The following ABCC9 variants were observed in gnomAD, a reference collection of about 807,000 sequenced individuals.
ABCC9 encodes ATP binding cassette subfamily C member 9.
A neutral mutation model predicts 188.3 loss-of-function variants in ABCC9; 95 were observed. That is an observed-to-expected ratio of 0.50 (90% CI 0.43 to 0.60). The LOEUF (loss-of-function observed/expected upper bound fraction) is 0.60. ABCC9 is among the 20% of genes least tolerant of loss of function. The pLI, the probability that ABCC9 is intolerant of heterozygous loss-of-function variation, is 0.00. For missense variants in ABCC9, 1,102 were observed against 1,876.3 expected (o/e 0.59, Z 7.62); for synonymous variants, 659 against 652.7 (o/e 1.01, Z -0.15).
At chr12:21,825,413 A>T (rs531945081) in intron 31 of ABCC9, among the ~76,000 whole-genome samples, 1 of 152,338 alleles carries the variant, frequency 6.6e-6, no homozygotes, top group African/African-American at 2.4e-5. Flanking sequence ...TCAATGATAG[A>T]CTGGATAAAG....
intron 20 of ABCC9, among the ~76,000 whole-genome samples, chr12:21,862,558 C>A (rs1297351787): frequency 6.7e-6 from 1 of 149,110 alleles, no homozygotes; most frequent in Non-Finnish European, 1.5e-5. Context: ...TGTTCCCAGT[C>A]ACCAGACCCC....
intron 11 of ABCC9, 105 bp from the exon 12 acceptor site, chr12:21,906,393 C>A: frequency 8.6e-7 from 1 of 1,168,762 alleles, no homozygotes; most frequent in Admixed American, 2.2e-5. Flanking sequence ...TTCAGACTGG[C>A]CCTGCCACTC....
At chr12:21,872,448 T>A (rs1424872372) in intron 18 of ABCC9, among the ~76,000 whole-genome samples, 177 bp downstream of exon 18, 1 of 152,206 alleles carries the variant, frequency 6.6e-6, no homozygotes, top group Non-Finnish European at 1.5e-5. Flanking sequence ...TAATAAATTG[T>A]TTTGTAACTT....
intron 24 of ABCC9, among the ~76,000 whole-genome samples, chr12:21,851,058 T>C (rs1944939178): frequency 6.6e-6 from 1 of 152,116 alleles, no homozygotes; most frequent in Non-Finnish European, 1.5e-5. Flanking sequence ...CCTCTCTCTA[T>C]GGAGACAGAT....
chr12:21,863,099 G>A (rs1468224650), intron 19 of ABCC9, 45 bp from the exon 20 acceptor site: 1 of 1,251,426 alleles, frequency 8.0e-7, no homozygotes, highest in East Asian at 2.3e-5. Context: ...ATTATGCAAA[G>A]GTACTGTGCG....
intron 20 of ABCC9, among the ~76,000 whole-genome samples, chr12:21,861,270 A>G (rs1163539382): frequency 6.9e-6 from 1 of 145,850 alleles, no homozygotes; most frequent in Non-Finnish European, 1.5e-5. Context: ...TTACTCTGTC[A>G]CCCAAGCTGG....
In ABCC9 at chr12:21,859,729, T is replaced by C. The variant is rs528827535; in HGVS notation, c.2425-63A>G. On this transcript the variant is annotated intron_variant, in intron 21 of 39. Coordinates refer to ENST00000261200, the MANE Select transcript of ABCC9 (RefSeq NM_020297.4). ...ATTAGTAAATGATCTTTTGGTAATA[T>C]GACCTTAAATTACAAACGTCTTTTT... 5 of 1,357,278 alleles carry C rather than the reference T, an allele frequency of 3.7e-6. No individual in the cohort carries two copies. In the East Asian group the frequency reaches 6.9e-5, roughly 19 times the overall value. 84.1% of individuals were successfully genotyped at this position (1,357,278 alleles called of 1,614,324 possible).
chr12:21,868,361 C>T (rs544733516), intron 18 of ABCC9, among the ~76,000 whole-genome samples: 28 of 152,236 alleles, frequency 1.8e-4, no homozygotes, highest in African/African-American at 5.8e-4. Context: ...AATTTATGGC[C>T]GGGCACGGTG....
At position 21,872,661 on chromosome 12, in the gene ABCC9, T is replaced by G; in HGVS notation, c.2162A>C (p.Glu721Ala). 1 of 1,613,880 alleles carries G rather than the reference T, an allele frequency of 6.2e-7. No homozygotes were observed. Among genetic ancestry groups the G allele is most frequent in the South Asian group, 1.1e-5 (1 of 91,086 alleles). The change falls in exon 18 of 40, where the codon GAG becomes GCG. Residue 721 changes from glutamate (E) to alanine (A), a missense_variant. Glu to Ala is a moderately radical substitution (Grantham distance 107, BLOSUM62 -1). This residue lies in a region of ABCC9 where 258 missense variants were observed against 325.6 expected (regional missense o/e 0.79). Transcript: ENST00000261200. ...KSSLLLAILG[E>A]MQTLEGKVHW... The stretch of plus-strand genomic sequence containing the variant: ...AACTTTTCCTTCCAATGTCTGCATC[T>G]CACCGAGGATGGCAAGGAGAAGAGA...
intron 18 of ABCC9, among the ~76,000 whole-genome samples, chr12:21,869,175 T>G (rs996636094): frequency 2.6e-5 from 4 of 152,220 alleles, no homozygotes; most frequent in Non-Finnish European, 5.9e-5. Context: ...TGTTGTCTAG[T>G]AAGGCAAATG....
intron 3 of ABCC9, 55 bp downstream of exon 3, chr12:21,936,478 A>AT: frequency 1.4e-6 from 2 of 1,481,048 alleles, no homozygotes; most frequent in Non-Finnish European, 1.9e-6. Context: ...AATCTCAGCC[A>AT]TTAGCGAGAT....
intron 24 of ABCC9, among the ~76,000 whole-genome samples, chr12:21,849,604 C>A (rs1032508412): frequency 2.6e-5 from 4 of 151,946 alleles, no homozygotes; most frequent in Non-Finnish European, 5.9e-5. Context: ...CTTAAAAAAA[C>A]AAATAAACAA....
intron 30 of ABCC9, among the ~76,000 whole-genome samples, chr12:21,831,741 G>A (rs1356476775): frequency 6.6e-6 from 1 of 152,184 alleles, no homozygotes; most frequent in African/African-American, 2.4e-5. Flanking sequence ...GGAACAATAT[G>A]AGAAAAGGCA....
Position 21,799,685 on chromosome 12 carries a change from A to G in ABCC9, c.*1359T>C, listed in dbSNP as rs1469438155. ...ATACAATAAACAGAACACAGAAACT[A>G]TAGGAAAGTGGCATAATTTCTCTTA... is the stretch of plus-strand genomic sequence containing the variant. On this transcript the variant is annotated 3_prime_UTR_variant, in exon 40 of 40. Transcript: ENST00000261200. The G allele has an allele frequency of 6.6e-6, 1 of 152,200 alleles. No individual in the cohort carries two copies. The highest frequency in any genetic ancestry group is 2.4e-5 in the African/African-American group (1 of 41,452). The allele number at this position is 152,200 out of a possible 1,614,324, so 9.4% of individuals were successfully genotyped here.
At chr12:21,939,336 C>T (rs1949609993) in intron 2 of ABCC9, among the ~76,000 whole-genome samples, 1 of 152,154 alleles carries the variant, frequency 6.6e-6, no homozygotes, top group African/African-American at 2.4e-5. Flanking sequence ...GTCCATGTGG[C>T]ACTCTAACAG....
intron 19 of ABCC9, 99 bp downstream of exon 19, chr12:21,864,340 A>G: frequency 1.1e-6 from 1 of 912,348 alleles, no homozygotes; most frequent in Non-Finnish European, 1.8e-6. Context: ...TTTAATAAAT[A>G]ACTATACATT....
In ABCC9 at chr12:21,845,860, T is replaced by C. The variant is rs779215292; in HGVS notation, c.2867-28A>G. 21 of 1,515,618 alleles carry C rather than the reference T, an allele frequency of 1.4e-5. No individual in the cohort carries two copies. The East Asian group carries it at 4.7e-4, about 34-fold the overall frequency. The allele number at this position is 1,515,618 out of a possible 1,614,324, so 93.9% of individuals were successfully genotyped here. A position where few individuals can be genotyped will look rare whatever the true frequency, so the allele number is the denominator to read the frequency against. Reference sequence around the variant, plus strand: ...ACATACAAAAAACTTTTGTTTAAGCTTCAGATGGGCACCGGCTAGATATAA... The same window carrying C: ...ACATACAAAAAACTTTTGTTTAAGCCTCAGATGGGCACCGGCTAGATATAA... On this transcript the variant is annotated intron_variant, in intron 25 of 39. Coordinates refer to ENST00000261200, the MANE Select transcript of ABCC9 (RefSeq NM_020297.4).
chr12:21,927,700 C>A (rs1268318950), intron 4 of ABCC9, among the ~76,000 whole-genome samples: 5 of 151,954 alleles, frequency 3.3e-5, no homozygotes, highest in Admixed American at 2.6e-4. Context: ...AATAAGCATG[C>A]AAATGGAATT....
chr12:21,864,590 T>C, intron 18 of ABCC9, 113 bp from the exon 19 acceptor site: 1 of 751,980 alleles, frequency 1.3e-6, no homozygotes, highest in Non-Finnish European at 2.3e-6. Flanking sequence ...AGAGCACATT[T>C]CCCAAATGGT....
Sources: gnomAD v4.1 joint callset for allele counts (sites outside exome capture counted in the v4.1 genomes callset) on GRCh38, gnomAD v4.1.1 for gene constraint, gnomAD v4.1.1 regional missense constraint, MANE v1.5 for transcripts, NCBI Gene and HGNC (gene_info 2026-07-23, HGNC 2026-07-21) for gene names.